The following RIMKLB variants were observed in gnomAD, a reference collection of about 807,000 sequenced individuals.
RIMKLB encodes ribosomal modification protein rimK like family member B.
Under a neutral mutation model 32.0 loss-of-function variants are expected in RIMKLB, and 7 were observed. That is an observed-to-expected ratio of 0.22 (90% CI 0.12 to 0.41). The LOEUF (loss-of-function observed/expected upper bound fraction) is 0.41. RIMKLB is among the 10% of genes least tolerant of loss of function. The probability of loss-of-function intolerance (pLI) is 1.00; values close to 1 mark genes in which losing one functional copy is unlikely to be tolerated. For synonymous variants in RIMKLB, 172 were observed against 185.1 expected (o/e 0.93, Z 0.57); for missense variants, 289 against 498.7 (o/e 0.58, Z 4.00).
intron 4 of RIMKLB, among the ~76,000 whole-genome samples, chr12:8,752,533 T>C (rs1395781483): frequency 3.9e-5 from 6 of 152,090 alleles, no homozygotes; most frequent in Non-Finnish European, 7.4e-5. Flanking sequence ...ACCTGGTCGA[T>C]AGAGCCAGAC....
upstream of RIMKLB, among the ~76,000 whole-genome samples, chr12:8,677,035 T>C (rs1942347220): frequency 6.6e-6 from 1 of 152,154 alleles, no homozygotes; most frequent in South Asian, 2.1e-4. Context: ...CTCACTGAGC[T>C]TGGTTTTTAA....
At chr12:8,688,911 T>G (rs1457023265) in intron 1 of RIMKLB, among the ~76,000 whole-genome samples, 1 of 152,120 alleles carries the variant, frequency 6.6e-6, no homozygotes, top group Non-Finnish European at 1.5e-5. Flanking sequence ...CTCGGCTCAC[T>G]GCAGCCTTGG....
At position 8,775,054 on chromosome 12, in the gene RIMKLB, T is replaced by C. The variant is rs1333296708; in HGVS notation, c.*1270T>C. 4.3e-5 allele frequency: 42 copies of C among 985,546 alleles called. No individual in the cohort carries two copies. The highest frequency in any genetic ancestry group is 1.6e-4 in the African/African-American group (9 of 57,126). The allele number at this position is 985,546 out of a possible 1,614,324, so 61.1% of individuals were successfully genotyped here. ...GGGTAGAGGTATTCACCTTAAAACA[T>C]AGGGTGAGTAGATGCTTTTTTAGGC... On this transcript the variant is annotated 3_prime_UTR_variant, in exon 6 of 6. Transcript: ENST00000535829.
upstream of RIMKLB, among the ~76,000 whole-genome samples, chr12:8,694,017 C>T (rs150902693): frequency 0.018 from 2,795 of 151,920 alleles, 62 homozygotes; most frequent in African/African-American, 0.054. Flanking sequence ...CTCAGGTGGG[C>T]GGATCACTTG....
At chr12:8,746,974 C>T (rs1167206980) in intron 2 of RIMKLB, among the ~76,000 whole-genome samples, 1 of 152,096 alleles carries the variant, frequency 6.6e-6, no homozygotes, top group Admixed American at 6.6e-5. Flanking sequence ...TTCCTAATCT[C>T]AAGCAATCCT....
intron 4 of RIMKLB, among the ~76,000 whole-genome samples, chr12:8,752,469 T>C (rs746050782): frequency 6.6e-6 from 1 of 152,078 alleles, no homozygotes; most frequent in Admixed American, 6.5e-5. Context: ...AGAGAATTGC[T>C]TGAACCCGGG....
chr12:8,771,743 T>C (rs1025719381), intron 5 of RIMKLB, among the ~76,000 whole-genome samples: 3 of 152,208 alleles, frequency 2.0e-5, no homozygotes, highest in Non-Finnish European at 4.4e-5. Context: ...ACCTGGATTT[T>C]AGCTGTTTTA....
intron 2 of RIMKLB, among the ~76,000 whole-genome samples, chr12:8,721,537 A>C (rs1945438840): frequency 6.6e-6 from 1 of 152,174 alleles, no homozygotes; most frequent in Non-Finnish European, 1.5e-5. Context: ...TCTGTTCAGC[A>C]ATCTTCATGA....
At chr12:8,738,551 G>A (rs111418819) in intron 2 of RIMKLB, among the ~76,000 whole-genome samples, 308 of 152,258 alleles carry the variant, frequency 2.0e-3, no homozygotes, top group African/African-American at 7.1e-3. Context: ...ATGGTCATCC[G>A]TGATGTTTTC....
chr12:8,698,953 C>G lies in RIMKLB; in HGVS notation c.-57+656C>G, dbSNP rs1297546618. Among the ~76,000 whole-genome samples, 3 of 82,804 alleles carry G rather than the reference C, an allele frequency of 3.6e-5. No individual in the cohort carries two copies. In the South Asian group the frequency reaches 8.3e-4, roughly 23 times the overall value. The allele number at this position is 82,804 out of a possible 152,430, so 54.3% of individuals were successfully genotyped here. On this transcript the variant is annotated intron_variant, in intron 1 of 5. Coordinates refer to ENST00000535829, the MANE Select transcript of RIMKLB (RefSeq NM_001297776.2). ...TAAATATTACACTACTTGCCCCTCA[C>G]CCCCCCCCAAAAAAAACCCAAACCA...
At chr12:8,746,685 AC>A (rs1406462360) in intron 2 of RIMKLB, among the ~76,000 whole-genome samples, 2 of 151,998 alleles carry the variant, frequency 1.3e-5, no homozygotes, top group African/African-American at 4.8e-5. Flanking sequence ...GGCAAACCTC[AC>A]ATCTGCTGAT....
Position 8,776,602 on chromosome 12 carries a change from C to T in RIMKLB, c.*2818C>T, listed in dbSNP as rs1950741024. ...ATTTCTGATATTGTTTTTATGTCACCCATGATGAAAACTGGACTTTATATA... is the reference window on the plus strand; with the variant it reads ...ATTTCTGATATTGTTTTTATGTCACTCATGATGAAAACTGGACTTTATATA... On this transcript the variant is annotated 3_prime_UTR_variant, in exon 6 of 6. Transcript: ENST00000535829. The T allele has an allele frequency of 5.9e-6, 5 of 854,122 alleles. No individual in the cohort carries two copies. The highest frequency in any genetic ancestry group is 7.0e-6 in the Non-Finnish European group (5 of 710,806). 52.9% of individuals were successfully genotyped at this position (854,122 alleles called of 1,614,324 possible).
At position 8,776,326 on chromosome 12, in the gene RIMKLB, T is replaced by C. The variant is rs966312918; in HGVS notation, c.*2542T>C. The C allele has an allele frequency of 1.0e-6, 1 of 979,088 alleles. No individual in the cohort carries two copies. The highest frequency in any genetic ancestry group is 1.2e-6 in the Non-Finnish European group (1 of 824,248). 60.7% of individuals were successfully genotyped at this position (979,088 alleles called of 1,614,324 possible). ...ATCTTAGATTTTAAAAACATGGATA[T>C]CTTCTTGAATTCCTTCAAGATTGAG... On this transcript the variant is annotated 3_prime_UTR_variant, in exon 6 of 6. Coordinates refer to ENST00000535829, the MANE Select transcript of RIMKLB (RefSeq NM_001297776.2).
chr12:8,773,741 T>A lies in RIMKLB; in HGVS notation c.1118T>A (p.Met373Lys). ...AAGCTCCCAGGGGGCCTGTTCAACA[T>A]GAACCAGCTGCTAGCCAATGAAATC... ...LTKLPGGLFN[M>K]NQLLANEIKL... is the part of the protein sequence containing the mutation. Residue 373 changes from methionine to lysine, a missense_variant, in exon 6 of 6, where the codon ATG becomes AAG. Transcript: ENST00000535829. 1 of 1,614,096 alleles carries A rather than the reference T, an allele frequency of 6.2e-7. No homozygotes were observed. The highest frequency in any genetic ancestry group is 8.5e-7 in the Non-Finnish European group (1 of 1,179,922).
chr12:8,694,195 T>C (rs993905333), upstream of RIMKLB, among the ~76,000 whole-genome samples: 4 of 151,912 alleles, frequency 2.6e-5, no homozygotes, highest in Non-Finnish European at 4.4e-5. Flanking sequence ...ATCTCACCAC[T>C]GCACTCCAGC....
the RIMKLB span, among the ~76,000 whole-genome samples, chr12:8,672,551 C>A: frequency 2.6e-5 from 4 of 151,986 alleles, no homozygotes; most frequent in African/African-American, 4.8e-5. Context: ...CCCGATAAAC[C>A]CATCAGATCT....
At chr12:8,706,086 A>C (rs1943852845) in intron 1 of RIMKLB, among the ~76,000 whole-genome samples, 1 of 152,162 alleles carries the variant, frequency 6.6e-6, no homozygotes, top group Non-Finnish European at 1.5e-5. Context: ...TTTAATGATC[A>C]CAATGGGGAA....
the RIMKLB span, among the ~76,000 whole-genome samples, chr12:8,670,616 T>C: frequency 6.6e-5 from 10 of 152,196 alleles, no homozygotes; most frequent in African/African-American, 2.4e-4. Flanking sequence ...CAGGCTGGTG[T>C]TGAGTGTCTG....
At chr12:8,704,692 A>C (rs768493766) in intron 1 of RIMKLB, among the ~76,000 whole-genome samples, 1 of 152,130 alleles carries the variant, frequency 6.6e-6, no homozygotes, top group Non-Finnish European at 1.5e-5. Flanking sequence ...TATTTAACTA[A>C]TGCATTAACA....
Sources: allele counts gnomAD v4.1 joint callset (sites outside exome capture counted in the v4.1 genomes callset), GRCh38; gene constraint gnomAD v4.1.1; transcripts MANE v1.5; gene names NCBI Gene and HGNC (gene_info 2026-07-23, HGNC 2026-07-21).